The following KIAA0513 variants were observed in gnomAD, a reference collection of about 807,000 sequenced individuals.
The protein encoded by KIAA0513 is uncharacterized protein KIAA0513.
A neutral mutation model predicts 56.5 loss-of-function variants in KIAA0513; 39 were observed. The observed-to-expected ratio is 0.69, with a 90% CI of 0.53 to 0.90. The LOEUF is 0.90. KIAA0513 is among the 40% of genes least tolerant of loss of function. The pLI, the probability that KIAA0513 is intolerant of heterozygous loss-of-function variation, is 0.00. For synonymous variants in KIAA0513, 268 were observed against 215.6 expected (o/e 1.24, Z -2.13); for missense variants, 591 against 535.2 (o/e 1.10, Z -1.03).
Position 85,075,753 on chromosome 16 carries a change from C to T in KIAA0513, c.504-91C>T. 2.9e-6 allele frequency: 3 copies of T among 1,049,060 alleles called. No individual in the cohort carries two copies. The East Asian group carries it at 7.1e-5, about 25-fold the overall frequency. The allele number at this position is 1,049,060 out of a possible 1,614,324, so 65.0% of individuals were successfully genotyped here. On this transcript the variant is annotated intron_variant, in intron 4 of 12. Coordinates refer to ENST00000683363, the MANE Select transcript of KIAA0513 (RefSeq NM_001388359.1). ...AGTGGGGAAGATATTAATTGGGACG[C>T]ATGTGTCAAGTGTCTCAGTGATGTC...
At chr16:85,040,100 C>T (rs1567521579) in intron 1 of KIAA0513, among the ~76,000 whole-genome samples, 1 of 152,182 alleles carries the variant, frequency 6.6e-6, no homozygotes, top group Non-Finnish European at 1.5e-5. Flanking sequence ...TCCCAAAGTG[C>T]TGGGATTACA....
chr16:85,093,954 C>G lies in KIAA0513; in HGVS notation c.*5629C>G, dbSNP rs946065169. 1.8e-4 allele frequency: 27 copies of G among 152,216 alleles called. No individual in the cohort carries two copies. The highest frequency in any genetic ancestry group is 6.5e-4 in the African/African-American group (27 of 41,428). 9.4% of individuals were successfully genotyped at this position (152,216 alleles called of 1,614,324 possible). A position where few individuals can be genotyped will look rare whatever the true frequency, so the allele number is the denominator to read the frequency against. ...GCACACGCCCTCTGCTTTCTCTTTC[C>G]TAGACTCGCGGTGCTCACATCCAGA... On this transcript the variant is annotated 3_prime_UTR_variant, in exon 13 of 13. Coordinates refer to ENST00000683363, the MANE Select transcript of KIAA0513 (RefSeq NM_001388359.1).
chr16:85,066,058 A>T (rs1263539276), intron 1 of KIAA0513, among the ~76,000 whole-genome samples: 1 of 152,164 alleles, frequency 6.6e-6, no homozygotes, highest in East Asian at 1.9e-4. Flanking sequence ...CGTATACTTT[A>T]CGGGTAAACA....
At position 85,086,744 on chromosome 16, in the gene KIAA0513, A is replaced by G. The variant is rs771712125; in HGVS notation, c.1091+20A>G. The G allele has an allele frequency of 6.3e-7, 1 of 1,597,966 alleles. No individual in the cohort carries two copies. On this transcript the variant is annotated intron_variant, in intron 11 of 12. Coordinates refer to ENST00000683363, the MANE Select transcript of KIAA0513 (RefSeq NM_001388359.1). ...GCTGGGGTAAGGGCCAGAGTGGGAA[A>G]GCGGGAGGGGAGAGGGGGGAGGGCC...
chr16:85,036,639 C>T (rs1212282949), intron 1 of KIAA0513, among the ~76,000 whole-genome samples: 2 of 152,122 alleles, frequency 1.3e-5, no homozygotes, highest in African/African-American at 4.8e-5. Context: ...AGTAGCCCTA[C>T]TGGGTGTGCT....
chr16:85,032,735 A>G (rs956459393), intron 1 of KIAA0513, among the ~76,000 whole-genome samples: 1 of 151,992 alleles, frequency 6.6e-6, no homozygotes, highest in Non-Finnish European at 1.5e-5. Flanking sequence ...GGTTCACACC[A>G]TCCTCCTGCC....
chr16:85,077,456 G>T lies in KIAA0513; in HGVS notation c.606G>T (p.Arg202=). 1 of 1,614,108 alleles carries T rather than the reference G, an allele frequency of 6.2e-7. No individual in the cohort carries two copies. The highest frequency in any genetic ancestry group is 8.5e-7 in the Non-Finnish European group (1 of 1,180,024). Reference sequence around the variant, plus strand: ...CACAGCTGCTGCCCCCGGAGTCCCGGGAGAAGCCCGCGGGCAGCATCGACT... The same window carrying T: ...CACAGCTGCTGCCCCCGGAGTCCCGTGAGAAGCCCGCGGGCAGCATCGACT... ...GKPQLLPPES[R]EKPAGSIDSY... Residue 202 remains arginine (R), a synonymous_variant, in exon 6 of 13, where the codon CGG becomes CGT. Coordinates refer to ENST00000683363, the MANE Select transcript of KIAA0513 (RefSeq NM_001388359.1).
At chr16:85,065,981 T>G (rs2073475780) in intron 1 of KIAA0513, among the ~76,000 whole-genome samples, 1 of 152,182 alleles carries the variant, frequency 6.6e-6, no homozygotes, top group Non-Finnish European at 1.5e-5. Flanking sequence ...CACATGCACG[T>G]AGTCAGGAGT....
At chr16:85,036,122 A>G (rs557284264) in intron 1 of KIAA0513, among the ~76,000 whole-genome samples, 6 of 152,172 alleles carry the variant, frequency 3.9e-5, no homozygotes, top group African/African-American at 1.4e-4. Flanking sequence ...GCCTGCTTAG[A>G]GTGTTTAAAC....
chr16:85,086,197 A>G (rs1369047127), intron 10 of KIAA0513, among the ~76,000 whole-genome samples: 2 of 152,146 alleles, frequency 1.3e-5, no homozygotes, highest in African/African-American at 2.4e-5. Context: ...GTGTGAGTCT[A>G]AAAACGTTCC....
chr16:85,065,008 G>A (rs1223452840), intron 1 of KIAA0513, among the ~76,000 whole-genome samples: 1 of 152,246 alleles, frequency 6.6e-6, no homozygotes, highest in African/African-American at 2.4e-5. Flanking sequence ...CCTCTTGCGT[G>A]CCTTGCCTAT....
intron 2 of KIAA0513, among the ~76,000 whole-genome samples, chr16:85,071,368 A>G (rs992959376): frequency 1.3e-5 from 2 of 152,218 alleles, no homozygotes; most frequent in African/African-American, 4.8e-5. Context: ...TCTTAAATTC[A>G]GGGGCTGGTT....
At chr16:85,066,746 G>A (rs1301121040) in intron 1 of KIAA0513, 154 bp from the exon 2 acceptor site, 5 of 295,960 alleles carry the variant, frequency 1.7e-5, no homozygotes, top group Non-Finnish European at 2.5e-5. Flanking sequence ...CATGGACCAG[G>A]TGTTGAACAG....
intron 1 of KIAA0513, among the ~76,000 whole-genome samples, chr16:85,029,804 A>G (rs765015903): frequency 2.6e-5 from 4 of 152,188 alleles, no homozygotes; most frequent in Non-Finnish European, 5.9e-5. Flanking sequence ...CCTCACTTTA[A>G]TACTTCCCAA....
rs748189662 is a variant in KIAA0513, at chr16:85,082,606, A to G, written c.1010+13A>G. The stretch of plus-strand genomic sequence containing the variant: ...AGGAGGAGAAGAGGTGTGTGTGTCC[A>G]CGTGACTTTGTTCCATTTTACAGTG... On this transcript the variant is annotated intron_variant, in intron 10 of 12. Transcript: ENST00000683363. The G allele has an allele frequency of 1.2e-6, 2 of 1,613,974 alleles. No homozygotes were observed. The highest frequency in any genetic ancestry group is 1.7e-6 in the Non-Finnish European group (2 of 1,179,896).
Position 85,077,630 on chromosome 16 carries a change from C to G in KIAA0513, c.780C>G (p.Asn260Lys). ...TKLKGPLARR[N>K]EEDENKPQEK... ...TGAAGGGGCCCCTGGCCAGGAGGAA[C>G]GAGTACGTGTGGCCTTGGGGTCCCT... The change falls in exon 6 of 13, where the codon AAC becomes AAG. Residue 260 changes from asparagine (N) to lysine (K), a missense_variant and splice_region_variant. Coordinates refer to ENST00000683363, the MANE Select transcript of KIAA0513 (RefSeq NM_001388359.1). 5 of 1,606,842 alleles carry G rather than the reference C, an allele frequency of 3.1e-6. No individual in the cohort carries two copies. Among genetic ancestry groups the G allele is most frequent in the Non-Finnish European group, 8.5e-7 (1 of 1,175,770 alleles).
intron 9 of KIAA0513, 48 bp from the exon 10 acceptor site, chr16:85,082,516 A>T (rs759173588): frequency 6.2e-7 from 1 of 1,601,496 alleles, no homozygotes; most frequent in South Asian, 1.1e-5. Context: ...CATATCTTGC[A>T]TGACTTTGAC....
intron 1 of KIAA0513, among the ~76,000 whole-genome samples, chr16:85,055,015 T>C (rs896233865): frequency 6.6e-6 from 1 of 152,104 alleles, no homozygotes; most frequent in African/African-American, 2.4e-5. Context: ...CTCTGACTCC[T>C]GGACTCAAGC....
intron 8 of KIAA0513, among the ~76,000 whole-genome samples, chr16:85,080,852 C>T (rs942584648): frequency 2.0e-5 from 3 of 152,258 alleles, no homozygotes; most frequent in East Asian, 1.9e-4. Flanking sequence ...TCCCTATGAA[C>T]GTTAGTTCGC....
Sources: allele counts gnomAD v4.1 joint callset (sites outside exome capture counted in the v4.1 genomes callset), GRCh38; gene constraint gnomAD v4.1.1; transcripts MANE v1.5; gene names NCBI Gene and HGNC (gene_info 2026-07-23, HGNC 2026-07-21).